The following PPIC variants were observed in gnomAD, a reference collection of about 807,000 sequenced individuals.
PPIC encodes the protein peptidyl-prolyl cis-trans isomerase C.
In PPIC, 19 loss-of-function variants were observed where a neutral mutation model predicts 19.5. That is an observed-to-expected ratio of 0.98 (90% CI 0.68 to 1.43). The LOEUF is 1.43. Among genes scored for constraint, PPIC ranks in the 40% most tolerant of loss-of-function variants. The pLI is 0.00. For missense variants in PPIC, 268 were observed against 268.6 expected (o/e 1.00, Z 0.02); for synonymous variants, 107 against 101.2 (o/e 1.06, Z -0.34).
At chr5:123,031,145 A>AC (rs1762935892) in intron 1 of PPIC, among the ~76,000 whole-genome samples, 1 of 152,310 alleles carries the variant, frequency 6.6e-6, no homozygotes, top group Admixed American at 6.5e-5. Flanking sequence ...GGTTTTGCCA[A>AC]CTCTACTGGA....
chr5:123,027,491 A>G (rs1218072591), intron 3 of PPIC, among the ~76,000 whole-genome samples: 1 of 152,196 alleles, frequency 6.6e-6, no homozygotes, highest in Non-Finnish European at 1.5e-5. Context: ...CACCGAGGGC[A>G]CGGGCACCAG....
At chr5:123,032,496 C>G (rs1413829854) in intron 1 of PPIC, among the ~76,000 whole-genome samples, 1 of 152,136 alleles carries the variant, frequency 6.6e-6, no homozygotes, top group Non-Finnish European at 1.5e-5. Flanking sequence ...TTAAAAGATT[C>G]AATGTCAAAT....
intron 1 of PPIC, among the ~76,000 whole-genome samples, chr5:123,033,502 C>G (rs149543054): frequency 6.6e-6 from 1 of 152,170 alleles, no homozygotes; most frequent in Admixed American, 6.5e-5. Context: ...CACCTTCCGC[C>G]GCCGTGACTG....
intron 4 of PPIC, among the ~76,000 whole-genome samples, chr5:123,025,491 G>A (rs777203543): frequency 1.3e-5 from 2 of 152,270 alleles, no homozygotes; most frequent in East Asian, 3.9e-4. Context: ...TCCATTGTGT[G>A]TATATATGGG....
chr5:123,033,500 G>A lies in PPIC; in HGVS notation c.117+3009C>T, dbSNP rs182790905. On this transcript the variant is annotated intron_variant, in intron 1 of 4. Transcript: ENST00000306442. ...ACCTGCCTGCTCCCTATCACCTTCC[G>A]CCGCCGTGACTGGAAGCAGCCTGAG... Among the ~76,000 whole-genome samples the A allele has an allele frequency of 2.8e-4, 43 of 152,240 alleles. No individual in the cohort carries two copies. In the East Asian group the frequency reaches 5.8e-3, roughly 21 times the overall value.
Position 123,036,491 on chromosome 5 carries a change from C to T in PPIC, c.117+18G>A, listed in dbSNP as rs1444008731. The T allele has an allele frequency of 1.1e-5, 17 of 1,597,380 alleles. No homozygotes were observed. The highest frequency in any genetic ancestry group is 1.4e-5 in the Non-Finnish European group (16 of 1,171,316). On this transcript the variant is annotated intron_variant, in intron 1 of 4. Coordinates refer to ENST00000306442, the MANE Select transcript of PPIC (RefSeq NM_000943.5). The surrounding 1 kb of genome is among the most constrained non-coding windows in gnomAD (Gnocchi z 4.5). ...CCGCCCGCAACAGGGGAAGTTGCAG[C>T]CCGCCGCTCTCGGTCACCTTGGCCG...
At chr5:123,032,054 C>T (rs746317064) in intron 1 of PPIC, among the ~76,000 whole-genome samples, 22 of 152,186 alleles carry the variant, frequency 1.4e-4, no homozygotes, top group Non-Finnish European at 2.8e-4. Context: ...ATCTTGGCCT[C>T]CCAAAGTGCT....
chr5:123,036,338 C>T lies in PPIC; in HGVS notation c.117+171G>A. 1.6e-6 allele frequency: 1 copy of T among 623,660 alleles called. No individual in the cohort carries two copies. Among genetic ancestry groups the T allele is most frequent in the Non-Finnish European group, 2.8e-6 (1 of 359,008 alleles). 38.6% of individuals were successfully genotyped at this position (623,660 alleles called of 1,614,324 possible). A position where few individuals can be genotyped will look rare whatever the true frequency, so the allele number is the denominator to read the frequency against. ...CCCAGGGTCTCCCCCGGAGCGCCGG[C>T]CTCCCAGCACGCGAGCAGCCCCCTC... On this transcript the variant is annotated intron_variant, in intron 1 of 4. Transcript: ENST00000306442. The surrounding 1 kb of genome is among the most constrained non-coding windows in gnomAD (Gnocchi z 4.5).
intron 4 of PPIC, 35 bp from the exon 5 acceptor site, chr5:123,024,038 T>C (rs747635407): frequency 3.8e-6 from 6 of 1,594,854 alleles, no homozygotes; most frequent in Non-Finnish European, 5.1e-6. Flanking sequence ...GGTTTAATTC[T>C]GACCAGCAGC....
intron 1 of PPIC, among the ~76,000 whole-genome samples, chr5:123,032,326 G>A (rs1273544492): frequency 6.6e-6 from 1 of 152,206 alleles, no homozygotes; most frequent in Non-Finnish European, 1.5e-5. Context: ...TCCCTACTAT[G>A]AGTGTGAGAG....
chr5:123,024,304 T>C (rs1308722209), intron 4 of PPIC, among the ~76,000 whole-genome samples: 2 of 152,224 alleles, frequency 1.3e-5, no homozygotes, highest in African/African-American at 4.8e-5. Context: ...AAGTAGATAT[T>C]TTTGTAAACA....
At position 123,028,888 on chromosome 5, in the gene PPIC, T is replaced by A. The variant is rs1762902197; in HGVS notation, c.232-20A>T. On this transcript the variant is annotated intron_variant, in intron 2 of 4. Transcript: ENST00000306442. The stretch of plus-strand genomic sequence containing the variant: ...TCCTTTCTAAAGAGATTACTTCAGT[T>A]GAATAACAAGTAACAGAGGCCATAC... The A allele has an allele frequency of 6.4e-7, 1 of 1,558,114 alleles. No individual in the cohort carries two copies. Among genetic ancestry groups the A allele is most frequent in the Admixed American group, 1.7e-5 (1 of 59,502 alleles).
Position 123,026,109 on chromosome 5 carries a change from A to G in PPIC, c.326-141T>C, listed in dbSNP as rs576557880. On this transcript the variant is annotated intron_variant, in intron 3 of 4. Coordinates refer to ENST00000306442, the MANE Select transcript of PPIC (RefSeq NM_000943.5). ...GGAAGACATGTTCAAACATAAGCAG[A>G]CATGAAGGAGGGAATAAAATTAACT... The G allele has an allele frequency of 6.3e-5, 44 of 699,128 alleles. No homozygotes were observed. In the South Asian group the frequency reaches 9.8e-4, roughly 16 times the overall value. 43.3% of individuals were successfully genotyped at this position (699,128 alleles called of 1,614,324 possible).
intron 1 of PPIC, among the ~76,000 whole-genome samples, chr5:123,031,408 G>A (rs2053822722): frequency 6.6e-6 from 1 of 152,162 alleles, no homozygotes; most frequent in South Asian, 2.1e-4. Flanking sequence ...TGGGAGGAGG[G>A]GAGCCATCTC....
In PPIC at chr5:123,036,373, C is replaced by G; in HGVS notation, c.117+136G>C. The G allele has an allele frequency of 1.3e-6, 1 of 788,532 alleles. No individual in the cohort carries two copies. The highest frequency in any genetic ancestry group is 2.1e-6 in the Non-Finnish European group (1 of 483,986). 48.8% of individuals were successfully genotyped at this position (788,532 alleles called of 1,614,324 possible). ...CGCGAGCAGCCCCCTCCCACCCAGT[C>G]CCGCGGCCGCCTCCAGTCCCCCTGC... On this transcript the variant is annotated intron_variant, in intron 1 of 4. Transcript: ENST00000306442. The surrounding 1 kb of genome is among the most constrained non-coding windows in gnomAD (Gnocchi z 4.5).
chr5:123,031,128 C>T, intron 1 of PPIC, among the ~76,000 whole-genome samples: 1 of 152,172 alleles, frequency 6.6e-6, no homozygotes, highest in East Asian at 1.9e-4. Flanking sequence ...CATAAGAACA[C>T]ACAGCAGGTT....
chr5:123,035,986 T>C (rs1478774200), intron 1 of PPIC, among the ~76,000 whole-genome samples: 1 of 151,694 alleles, frequency 6.6e-6, no homozygotes, highest in African/African-American at 2.4e-5. Flanking sequence ...AGGCGGAGGG[T>C]AGTCTCTCAT....
intron 1 of PPIC, among the ~76,000 whole-genome samples, chr5:123,032,332 G>C (rs1270094074): frequency 6.6e-6 from 1 of 152,236 alleles, no homozygotes; most frequent in African/African-American, 2.4e-5. Flanking sequence ...CTATGAGTGT[G>C]AGAGCCAGAA....
chr5:123,028,547 G>A (rs937097722), intron 3 of PPIC: 9 of 423,834 alleles, frequency 2.1e-5, no homozygotes, highest in Admixed American at 8.3e-5. Context: ...TCTCAATTAC[G>A]GAAAGACAAT....
Sources: gnomAD v4.1 joint callset for allele counts (sites outside exome capture counted in the v4.1 genomes callset) on GRCh38, gnomAD v4.1.1 for gene constraint, Gnocchi (gnomAD v3.1) non-coding constraint, MANE v1.5 for transcripts, NCBI Gene and HGNC (gene_info 2026-07-23, HGNC 2026-07-21) for gene names.